OTULIN: variants seen among roughly 807,000 people sequenced by gnomAD.
OTULIN encodes the protein OTU deubiquitinase with linear linkage specificity, also known as ubiquitin thioesterase otulin.
A neutral mutation model predicts 39.6 loss-of-function variants in OTULIN; 15 were observed. The ratio of observed to expected loss-of-function variants is 0.38; its 90% CI spans 0.25 to 0.58. The LOEUF is 0.58. Among genes scored for constraint, OTULIN ranks in the 20% least tolerant of loss-of-function variants. The pLI is 0.66. For missense variants in OTULIN, 319 were observed against 445.9 expected, an observed-to-expected ratio of 0.72 and a Z score of 2.56; for synonymous variants, 156 against 170.3, an observed-to-expected ratio of 0.92 and a Z score of 0.65.
At chr5:14,703,931 C>T (rs1317601753), downstream of OTULIN, among the ~76,000 whole-genome samples, 1 of 152,172 alleles carries the variant, frequency 6.6e-6, no homozygotes, top group Non-Finnish European at 1.5e-5. Context: ...TGCCTAGAAT[C>T]TTACTGACTA....
chr5:14,703,056 A>G (rs533363908), downstream of OTULIN, among the ~76,000 whole-genome samples: 16 of 152,210 alleles, frequency 1.1e-4, no homozygotes, highest in Non-Finnish European at 1.9e-4. Flanking sequence ...TGTAGAAAAG[A>G]TCTGGTTGTA....
At position 14,691,265 on chromosome 5, in the gene OTULIN, T is replaced by A. The variant is rs142601839; in HGVS notation, c.864+957T>A. Among the ~76,000 whole-genome samples, 213 of 152,326 alleles carry A rather than the reference T, an allele frequency of 1.4e-3. 1 individual carries two copies. Among genetic ancestry groups the A allele is most frequent in the African/African-American group, 5.0e-3 (208 of 41,578 alleles). On this transcript the variant is annotated intron_variant, in intron 6 of 6. Coordinates refer to ENST00000284274, the MANE Select transcript of OTULIN (RefSeq NM_138348.6). ...CATAATTGACTCTTGTGCCTGCTTT[T>A]TTCTAAAAAGGCCCAAGTGCCATGA... is the stretch of plus-strand genomic sequence containing the variant.
the OTULIN span, chr5:14,706,020 CAGTG>C: frequency 6.6e-6 from 1 of 152,156 alleles, no homozygotes; most frequent in Non-Finnish European, 1.5e-5. Flanking sequence ...TGAGGTTGTA[CAGTG>C]AGTGGTACAA....
intron 2 of OTULIN, chr5:14,673,983 C>G (rs532359060): frequency 4.5e-6 from 1 of 223,988 alleles, no homozygotes; most frequent in African/African-American, 2.3e-5. Context: ...TGACACCGTC[C>G]TCTCTCAGTT....
At chr5:14,684,878 T>C (rs1736346931) in intron 4 of OTULIN, among the ~76,000 whole-genome samples, 1 of 152,232 alleles carries the variant, frequency 6.6e-6, no homozygotes, top group African/African-American at 2.4e-5. Flanking sequence ...TCCCTGCCTG[T>C]GAGGCAGAGC....
At position 14,692,840 on chromosome 5, in the gene OTULIN, G is replaced by T. The variant is rs750922423; in HGVS notation, c.865-14G>T. 2.2e-5 allele frequency: 36 copies of T among 1,611,900 alleles called. No homozygotes were observed. The highest frequency in any genetic ancestry group is 2.9e-5 in the Non-Finnish European group (34 of 1,178,360). Reference sequence around the variant, plus strand: ...GTGATCTTCCTCAGAATACCCGTTTGCTCTTCTTCCCAGGTTGAAATGTTC... The same window carrying T: ...GTGATCTTCCTCAGAATACCCGTTTTCTCTTCTTCCCAGGTTGAAATGTTC... On this transcript the variant is annotated splice_polypyrimidine_tract_variant and intron_variant, in intron 6 of 6. Transcript: ENST00000284274.
chr5:14,707,491 C>T, the OTULIN span: 143,763 of 152,274 alleles, frequency 0.94, 68,006 homozygotes, highest in African/African-American at 0.99. Flanking sequence ...TTGAGAGTTA[C>T]GATATGTAAT....
intron 2 of OTULIN, among the ~76,000 whole-genome samples, chr5:14,676,891 T>TA (rs995995007): frequency 7.9e-5 from 12 of 152,006 alleles, no homozygotes; most frequent in Admixed American, 4.6e-4. Context: ...TTTCTCGAAT[T>TA]AAAAAAAATG....
intron 4 of OTULIN, 140 bp from the exon 5 acceptor site, chr5:14,687,381 C>A (rs1047186366): frequency 2.0e-6 from 2 of 989,298 alleles, no homozygotes; most frequent in Non-Finnish European, 2.9e-6. Context: ...CCATCCTAAG[C>A]CCACATCACA....
chr5:14,689,972 A>G (rs961924613), intron 5 of OTULIN, 67 bp from the exon 6 acceptor site: 25 of 1,491,322 alleles, frequency 1.7e-5, no homozygotes, highest in Non-Finnish European at 2.3e-5. Flanking sequence ...TTGTGCTCAT[A>G]GTATGGTACT....
chr5:14,716,100 CACCACCACAAT>C, the OTULIN span, among the ~76,000 whole-genome samples: 157 of 152,260 alleles, frequency 1.0e-3, no homozygotes, highest in African/African-American at 3.5e-3. Flanking sequence ...TTTGTGTTCC[CACCACCACAAT>C]CAAGACAGAG....
intron 2 of OTULIN, among the ~76,000 whole-genome samples, chr5:14,674,367 T>G (rs1670200149): frequency 6.6e-6 from 1 of 152,270 alleles, no homozygotes; most frequent in African/African-American, 2.4e-5. Context: ...ACTCTGATTT[T>G]GGGATATCCC....
chr5:14,687,236 C>T (rs1464646651), intron 4 of OTULIN, among the ~76,000 whole-genome samples: 4 of 152,152 alleles, frequency 2.6e-5, no homozygotes, highest in Admixed American at 2.6e-4. Flanking sequence ...GCATGGCCTG[C>T]TGTGGAATGT....
chr5:14,666,684 C>G (rs1245213873), intron 1 of OTULIN, among the ~76,000 whole-genome samples: 2 of 152,226 alleles, frequency 1.3e-5, no homozygotes, highest in East Asian at 1.9e-4. Context: ...ATTTTTGTTG[C>G]GTTTGATTAT....
intron 3 of OTULIN, among the ~76,000 whole-genome samples, chr5:14,679,366 A>G (rs553252229): frequency 6.6e-6 from 1 of 152,298 alleles, no homozygotes; most frequent in Admixed American, 6.5e-5. Context: ...CAGCTGATCA[A>G]GCAGCAGACC....
intron 6 of OTULIN, among the ~76,000 whole-genome samples, chr5:14,692,024 T>G (rs1056951132): frequency 1.3e-5 from 2 of 152,260 alleles, no homozygotes; most frequent in Non-Finnish European, 2.9e-5. Flanking sequence ...TTTCCACTTT[T>G]TAGTTCTGTG....
At chr5:14,711,088 CCAAAA>C in the OTULIN span, 111 of 1,026,866 alleles carry the variant, frequency 1.1e-4, no homozygotes, top group South Asian at 3.7e-4. Context: ...TCTTTCATTA[CCAAAA>C]CAAAACAAAA....
At chr5:14,670,962 T>C (rs1735965481) in intron 1 of OTULIN, among the ~76,000 whole-genome samples, 2 of 152,208 alleles carry the variant, frequency 1.3e-5, no homozygotes, top group Admixed American at 1.3e-4. Context: ...AATTCAGTTG[T>C]GGTTAAAGCA....
At position 14,690,346 on chromosome 5, in the gene OTULIN, A is replaced by C; in HGVS notation, c.864+38A>C. ...TTTGAGCATGTATTACCCCAAAATAAAGCAGCTTTACTGATCAAACTTGAT... is the reference window on the plus strand; with the variant it reads ...TTTGAGCATGTATTACCCCAAAATACAGCAGCTTTACTGATCAAACTTGAT... On this transcript the variant is annotated intron_variant, in intron 6 of 6. Coordinates refer to ENST00000284274, the MANE Select transcript of OTULIN (RefSeq NM_138348.6). This position sits in a 1 kb window ranked among gnomAD's most constrained non-coding sequence, Gnocchi z 4.5. The C allele has an allele frequency of 1.3e-6, 2 of 1,596,234 alleles. No homozygotes were observed. Among genetic ancestry groups the C allele is most frequent in the African/African-American group, 1.3e-5 (1 of 74,220 alleles).
Sources: gnomAD v4.1 joint callset for allele counts (sites outside exome capture counted in the v4.1 genomes callset) on GRCh38, gnomAD v4.1.1 for gene constraint, Gnocchi (gnomAD v3.1) non-coding constraint, MANE v1.5 for transcripts, NCBI Gene and HGNC (gene_info 2026-07-23, HGNC 2026-07-21) for gene names.